Variants in RALGAPA1 observed in about 807,000 individuals in gnomAD.
The protein encoded by RALGAPA1 is ral GTPase-activating protein subunit alpha-1.
A neutral mutation model predicts 269.6 loss-of-function variants in RALGAPA1; 52 were observed. The ratio of observed to expected loss-of-function variants is 0.19; its 90% CI spans 0.15 to 0.24. The LOEUF is 0.24. Among genes scored for constraint, RALGAPA1 ranks in the 10% least tolerant of loss-of-function variants. RALGAPA1 has a pLI of 1.00. For synonymous variants in RALGAPA1, 817 were observed against 1,008.3 expected, an observed-to-expected ratio of 0.81 and a Z score of 3.60; for missense variants, 1,917 against 3,013.9, an observed-to-expected ratio of 0.64 and a Z score of 8.52.
At chr14:35,561,462 A>G (rs1351532918) in intron 39 of RALGAPA1, among the ~76,000 whole-genome samples, 2 of 151,144 alleles carry the variant, frequency 1.3e-5, no homozygotes, top group East Asian at 3.9e-4. Context: ...GTGTAAGCAC[A>G]GCAAAAAATT....
chr14:35,768,824 C>G (rs916870023), intron 4 of RALGAPA1, among the ~76,000 whole-genome samples: 3 of 151,462 alleles, frequency 2.0e-5, no homozygotes, highest in African/African-American at 7.3e-5. Context: ...GCCTGACCAA[C>G]ATGCAGAAAC....
At chr14:35,608,718 G>T (rs949679291) in intron 35 of RALGAPA1, among the ~76,000 whole-genome samples, 1 of 152,144 alleles carries the variant, frequency 6.6e-6, no homozygotes, top group Non-Finnish European at 1.5e-5. Flanking sequence ...AGAGCTGAAG[G>T]CAGAAACAGA....
At chr14:35,674,854 G>C (rs146492551) in intron 22 of RALGAPA1, 145 bp from the exon 23 acceptor site, 9,913 of 523,578 alleles carry the variant, frequency 0.019, 479 homozygotes, top group South Asian at 0.13. Context: ...TCCCGATAAG[G>C]TCAAAACCTC....
At chr14:35,684,060 A>G (rs2065706418) in intron 20 of RALGAPA1, 75 bp from the exon 21 acceptor site, 1 of 1,184,750 alleles carries the variant, frequency 8.4e-7, no homozygotes, top group Admixed American at 2.1e-5. Context: ...AAATCAGCAA[A>G]ATGATCAAAC....
At chr14:35,541,208 G>T (rs1335177015) in intron 41 of RALGAPA1, among the ~76,000 whole-genome samples, 1 of 151,742 alleles carries the variant, frequency 6.6e-6, no homozygotes, top group Admixed American at 6.6e-5. Flanking sequence ...ACCACGCCCG[G>T]CTAATTTTTT....
chr14:35,772,777 A>G (rs1034972980), intron 3 of RALGAPA1, among the ~76,000 whole-genome samples: 1 of 152,222 alleles, frequency 6.6e-6, no homozygotes, highest in Non-Finnish European at 1.5e-5. Flanking sequence ...AAAGCTAGAA[A>G]GTGAAAGAAC....
chr14:35,765,808 CT>C, intron 4 of RALGAPA1: 1 of 546,034 alleles, frequency 1.8e-6, no homozygotes, highest in Non-Finnish European at 3.3e-6. Context: ...AAATTACTGT[CT>C]TACATGTGCA....
chr14:35,674,032 T>G, intron 24 of RALGAPA1, 148 bp downstream of exon 24: 1 of 577,394 alleles, frequency 1.7e-6, no homozygotes. Flanking sequence ...GCACATTCTC[T>G]TCTCTATATA....
In RALGAPA1 at chr14:35,750,531, C is replaced by T; in HGVS notation, c.962G>A (p.Gly321Glu). Residue 321 changes from glycine to glutamate, a missense_variant, in exon 9 of 42, where the codon GGA becomes GAA. Gly to Glu is a moderately conservative substitution (Grantham distance 98). This residue lies in a region of RALGAPA1 where 462 missense variants were observed against 725.6 expected (regional missense o/e 0.64). Transcript: ENST00000680220. ...ACCTTCCATCCCAGGAATATGAGGT[C>T]CTGTATGTGGTTTTGGCTCCAGCCA... ...SFWLEPKPHT[G>E]PHIPGMEGEV... The T allele has an allele frequency of 6.2e-7, 1 of 1,613,164 alleles. No individual in the cohort carries two copies. The highest frequency in any genetic ancestry group is 8.5e-7 in the Non-Finnish European group (1 of 1,179,492).
chr14:35,733,858 T>G (rs1035728157), intron 12 of RALGAPA1, among the ~76,000 whole-genome samples: 2 of 151,640 alleles, frequency 1.3e-5, no homozygotes, highest in Admixed American at 6.6e-5. Context: ...TCAAATAAGC[T>G]CATTAAGAAA....
intron 1 of RALGAPA1, among the ~76,000 whole-genome samples, chr14:35,784,434 A>G (rs972127491): frequency 1.3e-5 from 2 of 152,204 alleles, no homozygotes; most frequent in Admixed American, 6.5e-5. Flanking sequence ...AGAGATGGAA[A>G]GTATCTAATG....
intron 1 of RALGAPA1, among the ~76,000 whole-genome samples, chr14:35,805,396 C>T (rs559766366): frequency 2.7e-5 from 4 of 149,406 alleles, no homozygotes; most frequent in East Asian, 4.0e-4. Flanking sequence ...GAGCCGAGAT[C>T]GCGCCACTGC....
At chr14:35,587,721 G>A (rs1176443272) in intron 37 of RALGAPA1, among the ~76,000 whole-genome samples, 1 of 151,922 alleles carries the variant, frequency 6.6e-6, no homozygotes, top group East Asian at 1.9e-4. Context: ...CCTGTCGTGG[G>A]GTGGGGGGAA....
At position 35,579,481 on chromosome 14, in the gene RALGAPA1, G is replaced by A. The variant is rs542723312; in HGVS notation, c.7210-6763C>T. ...TTGTCTCTACTAAAAGGTGGTGCAC[G>A]CCTGTAGTCCCAGCTACTCGGGAGG... is the stretch of plus-strand genomic sequence containing the variant. On this transcript the variant is annotated intron_variant, in intron 37 of 41. Coordinates refer to ENST00000680220, the MANE Select transcript of RALGAPA1 (RefSeq NM_001346249.2). Among the ~76,000 whole-genome samples the A allele has an allele frequency of 7.2e-5, 11 of 151,952 alleles. No homozygotes were observed. The East Asian group carries it at 9.7e-4, about 13-fold the overall frequency.
At chr14:35,652,939 T>C (rs2062940822) in intron 30 of RALGAPA1, among the ~76,000 whole-genome samples, 1 of 152,224 alleles carries the variant, frequency 6.6e-6, no homozygotes, top group South Asian at 2.1e-4. Flanking sequence ...TTGTATGCTA[T>C]TACATTTTTT....
intron 26 of RALGAPA1, among the ~76,000 whole-genome samples, chr14:35,670,923 CAA>C (rs59550450): frequency 4.5e-5 from 6 of 132,282 alleles, no homozygotes; most frequent in African/African-American, 5.5e-5. Context: ...ACTTCCATCT[CAA>C]AAAAAAAAAA....
intron 41 of RALGAPA1, among the ~76,000 whole-genome samples, chr14:35,543,629 C>A (rs1408529413): frequency 6.6e-6 from 1 of 152,022 alleles, no homozygotes; most frequent in East Asian, 1.9e-4. Context: ...GGAAATAACA[C>A]AATTTATTTT....
chr14:35,670,358 A>C (rs1009955702), intron 26 of RALGAPA1, among the ~76,000 whole-genome samples: 1 of 152,208 alleles, frequency 6.6e-6, no homozygotes, highest in African/African-American at 2.4e-5. Context: ...AGTTTTTTAC[A>C]GTAGACTTCC....
At chr14:35,562,748 G>A (rs1038822995) in intron 39 of RALGAPA1, among the ~76,000 whole-genome samples, 2 of 151,952 alleles carry the variant, frequency 1.3e-5, no homozygotes, top group African/African-American at 4.8e-5. Context: ...ATGGCCGGGC[G>A]TGGTGGCTCA....
Sources: gnomAD v4.1 joint callset for allele counts (sites outside exome capture counted in the v4.1 genomes callset) on GRCh38, gnomAD v4.1.1 for gene constraint, gnomAD v4.1.1 regional missense constraint, MANE v1.5 for transcripts, NCBI Gene and HGNC (gene_info 2026-07-23, HGNC 2026-07-21) for gene names.